NAA11: variants seen among roughly 807,000 people sequenced by gnomAD.
NAA11 encodes N-alpha-acetyltransferase 11, NatA catalytic subunit.
NAA11 carries 15 observed loss-of-function variants against 16.1 expected under a neutral mutation model. The ratio of observed to expected loss-of-function variants is 0.93; its 90% CI spans 0.62 to 1.44. The LOEUF (loss-of-function observed/expected upper bound fraction) is 1.44. Among genes scored for constraint, NAA11 ranks in the 40% most tolerant of loss-of-function variants. NAA11 has a pLI of 0.00. For missense variants in NAA11, 298 were observed against 291.3 expected, an observed-to-expected ratio of 1.02 and a Z score of -0.17; for synonymous variants, 122 against 112.4, an observed-to-expected ratio of 1.09 and a Z score of -0.54.
chr4:79,189,007 G>A, the NAA11 span, among the ~76,000 whole-genome samples: 2 of 151,744 alleles, frequency 1.3e-5, no homozygotes, highest in African/African-American at 4.8e-5. Flanking sequence ...CGAGCCGGGC[G>A]TGGTGGCAGG....
chr4:79,313,623 CCCACG>C (rs1330002541), downstream of NAA11, among the ~76,000 whole-genome samples: 1 of 152,126 alleles, frequency 6.6e-6, no homozygotes, highest in African/African-American at 2.4e-5. Flanking sequence ...AAACGTAATT[CCCACG>C]CCCTAATAAG....
intron 1 of NAA11, among the ~76,000 whole-genome samples, chr4:79,308,097 G>A (rs185565069): frequency 1.3e-5 from 2 of 151,644 alleles, no homozygotes; most frequent in East Asian, 3.9e-4. Flanking sequence ...AAGAAGAAGG[G>A]GAAAAAAATC....
At chr4:79,210,494 A>G in the NAA11 span, among the ~76,000 whole-genome samples, 1 of 152,060 alleles carries the variant, frequency 6.6e-6, no homozygotes, top group South Asian at 2.1e-4. Context: ...CAGGGATCAT[A>G]ATGGCTTCAC....
intron 2 of NAA11, among the ~76,000 whole-genome samples, chr4:79,277,347 G>C (rs1391718515): frequency 1.3e-5 from 2 of 152,014 alleles, no homozygotes; most frequent in Non-Finnish European, 2.9e-5. Context: ...TCATAAAAAT[G>C]GCACTTACTA....
At chr4:79,284,105 A>C (rs1233745144) in intron 2 of NAA11, among the ~76,000 whole-genome samples, 1 of 152,128 alleles carries the variant, frequency 6.6e-6, no homozygotes, top group Non-Finnish European at 1.5e-5. Flanking sequence ...CTCTAAACCC[A>C]AAAACAAAAG....
the NAA11 span, among the ~76,000 whole-genome samples, chr4:79,182,483 T>A: frequency 8.9e-4 from 136 of 152,336 alleles, 1 homozygote; most frequent in African/African-American, 3.2e-3. Context: ...TGACATTTAC[T>A]GAAAATACTC....
At chr4:79,293,567 T>G (rs1368899578) in intron 2 of NAA11, among the ~76,000 whole-genome samples, 3 of 152,192 alleles carry the variant, frequency 2.0e-5, no homozygotes, top group Admixed American at 1.3e-4. Context: ...TATTCAAGCT[T>G]ATATGGCAGA....
chr4:79,277,253 T>G (rs545038693), intron 2 of NAA11, among the ~76,000 whole-genome samples: 3 of 152,206 alleles, frequency 2.0e-5, no homozygotes, highest in Non-Finnish European at 4.4e-5. Context: ...GCCTCAATTC[T>G]TATTTCCCTC....
the NAA11 span, among the ~76,000 whole-genome samples, chr4:79,185,027 G>A: frequency 6.6e-6 from 1 of 151,898 alleles, no homozygotes; most frequent in African/African-American, 2.4e-5. Context: ...TATTTTTAGA[G>A]TTTAGATTTT....
intron 2 of NAA11, among the ~76,000 whole-genome samples, chr4:79,254,691 A>AC (rs1722067526): frequency 2.5e-5 from 3 of 118,274 alleles, no homozygotes; most frequent in East Asian, 2.4e-4. Flanking sequence ...TAATTTATTT[A>AC]TTTACTTTTT....
the NAA11 span, among the ~76,000 whole-genome samples, chr4:79,184,957 C>G: frequency 6.6e-6 from 1 of 151,926 alleles, no homozygotes; most frequent in East Asian, 1.9e-4. Context: ...TTTTCTTTAA[C>G]ATTTGGACTT....
At chr4:79,311,357 CCAATA>C (rs1263504321) in intron 1 of NAA11, among the ~76,000 whole-genome samples, 2 of 152,084 alleles carry the variant, frequency 1.3e-5, no homozygotes, top group African/African-American at 4.8e-5. Context: ...AACAGAGGAT[CCAATA>C]CAACTGTCAT....
At chr4:79,301,123 G>A (rs987337015) in intron 1 of NAA11, among the ~76,000 whole-genome samples, 1 of 152,174 alleles carries the variant, frequency 6.6e-6, no homozygotes, top group African/African-American at 2.4e-5. Flanking sequence ...TGGCACTCAA[G>A]TCAAAAGTGT....
At chr4:79,275,843 A>G (rs1048365247) in intron 2 of NAA11, among the ~76,000 whole-genome samples, 1 of 152,156 alleles carries the variant, frequency 6.6e-6, no homozygotes, top group African/African-American at 2.4e-5. Flanking sequence ...GATATGCTGT[A>G]AGCAACATCG....
At chr4:79,231,046 CTG>C (rs1204160440) in intron 2 of NAA11, among the ~76,000 whole-genome samples, 2 of 152,014 alleles carry the variant, frequency 1.3e-5, no homozygotes, top group African/African-American at 4.8e-5. Flanking sequence ...AGGAATGTAT[CTG>C]TGTTGTCAGA....
At chr4:79,255,119 A>G (rs1722078534) in intron 2 of NAA11, among the ~76,000 whole-genome samples, 1 of 152,118 alleles carries the variant, frequency 6.6e-6, no homozygotes, top group Admixed American at 6.5e-5. Context: ...GACAGGGAAA[A>G]CTGATCTATA....
chr4:79,161,287 T>C, the NAA11 span, among the ~76,000 whole-genome samples: 1 of 152,040 alleles, frequency 6.6e-6, no homozygotes, highest in Non-Finnish European at 1.5e-5. Context: ...GCAATTCTTC[T>C]GCCTCAGAAG....
At chr4:79,187,750 A>G in the NAA11 span, among the ~76,000 whole-genome samples, 6 of 152,164 alleles carry the variant, frequency 3.9e-5, no homozygotes, top group Admixed American at 3.9e-4. Flanking sequence ...TAATCCCAGC[A>G]CTTTGGGAGG....
chr4:79,192,913 C>T, the NAA11 span, among the ~76,000 whole-genome samples: 4 of 152,138 alleles, frequency 2.6e-5, no homozygotes, highest in Non-Finnish European at 4.4e-5. Context: ...TTTTAATGAT[C>T]GCCATTCTAA....
Sources: allele counts gnomAD v4.1 joint callset (sites outside exome capture counted in the v4.1 genomes callset), GRCh38; gene constraint gnomAD v4.1.1; transcripts MANE v1.5; gene names NCBI Gene and HGNC (gene_info 2026-07-23, HGNC 2026-07-21).